ROBO2: variants seen among roughly 807,000 people sequenced by gnomAD.
ROBO2 encodes the protein roundabout guidance receptor 2.
A neutral mutation model predicts 160.8 loss-of-function variants in ROBO2; 53 were observed. The observed-to-expected ratio is 0.33, with a 90% CI of 0.26 to 0.41. The LOEUF (loss-of-function observed/expected upper bound fraction) is 0.41, where lower values mean the gene tolerates loss of function less well. Ranked by LOEUF, ROBO2 falls within the 10% of genes least tolerant of loss-of-function variation. ROBO2 has a pLI of 1.00. For synonymous variants in ROBO2, 664 were observed against 611.7 expected, an observed-to-expected ratio of 1.09 and a Z score of -1.26; for missense variants, 1,577 against 1,722.4, an observed-to-expected ratio of 0.92 and a Z score of 1.49.
At chr3:75,907,721 T>G (rs1306813032) in intron 1 of ROBO2, among the ~76,000 whole-genome samples, 1 of 152,222 alleles carries the variant, frequency 6.6e-6, no homozygotes, top group Non-Finnish European at 1.5e-5. Context: ...GAAAGGCAAC[T>G]TTATTTTCTT....
intron 2 of ROBO2, among the ~76,000 whole-genome samples, chr3:76,204,362 G>A (rs959985403): frequency 4.6e-5 from 7 of 152,132 alleles, no homozygotes; most frequent in Non-Finnish European, 1.0e-4. Context: ...TCTGCAAAAT[G>A]TGATGTGTAC....
intron 2 of ROBO2, among the ~76,000 whole-genome samples, chr3:76,647,124 C>T (rs1167769421): frequency 2.0e-5 from 3 of 152,118 alleles, no homozygotes; most frequent in African/African-American, 7.2e-5. Context: ...TCTGGTGTTT[C>T]TTAGGTCAGA....
At chr3:76,132,463 C>G (rs2071267268) in intron 2 of ROBO2, among the ~76,000 whole-genome samples, 1 of 146,788 alleles carries the variant, frequency 6.8e-6, no homozygotes, top group South Asian at 2.2e-4. Flanking sequence ...CACAGTAAAT[C>G]ACATTCATCA....
At chr3:77,386,413 G>A (rs1055691770) in intron 2 of ROBO2, among the ~76,000 whole-genome samples, 1 of 151,926 alleles carries the variant, frequency 6.6e-6, no homozygotes, top group African/African-American at 2.4e-5. Context: ...TAGCACGTTA[G>A]GTATAGAATG....
intron 2 of ROBO2, among the ~76,000 whole-genome samples, chr3:76,479,301 T>C (rs182665315): frequency 6.6e-6 from 1 of 152,266 alleles, no homozygotes; most frequent in African/African-American, 2.4e-5. Context: ...TAACAGTTCA[T>C]TTTTACTAGT....
intron 2 of ROBO2, among the ~76,000 whole-genome samples, chr3:76,098,365 T>C (rs1272310477): frequency 6.6e-6 from 1 of 152,190 alleles, no homozygotes; most frequent in Non-Finnish European, 1.5e-5. Flanking sequence ...TCTGTAACTA[T>C]GTTTTTAGAT....
intron 2 of ROBO2, among the ~76,000 whole-genome samples, chr3:76,673,192 A>G (rs980681609): frequency 6.6e-6 from 1 of 152,194 alleles, no homozygotes; most frequent in Non-Finnish European, 1.5e-5. Flanking sequence ...GTAACCCTAT[A>G]CAAGATGATT....
At chr3:77,021,139 T>A (rs2062606981) in intron 2 of ROBO2, among the ~76,000 whole-genome samples, 1 of 151,972 alleles carries the variant, frequency 6.6e-6, no homozygotes, top group African/African-American at 2.4e-5. Context: ...AGGTCGAGGT[T>A]GCAGTGAGCT....
intron 2 of ROBO2, among the ~76,000 whole-genome samples, chr3:76,069,731 A>C (rs2068382153): frequency 6.6e-6 from 1 of 152,192 alleles, no homozygotes; most frequent in Non-Finnish European, 1.5e-5. Flanking sequence ...AACAAAGAAC[A>C]CGTTCAGACA....
intron 2 of ROBO2, among the ~76,000 whole-genome samples, chr3:76,280,748 C>T (rs1708186373): frequency 6.6e-6 from 1 of 151,882 alleles, no homozygotes; most frequent in South Asian, 2.1e-4. Context: ...CATCTTTCAC[C>T]TGAAACAGTG....
At chr3:77,271,341 T>A (rs1476052835) in intron 2 of ROBO2, among the ~76,000 whole-genome samples, 1 of 152,218 alleles carries the variant, frequency 6.6e-6, no homozygotes, top group Non-Finnish European at 1.5e-5. Flanking sequence ...GGAAAGGGAC[T>A]AGTGAAATTA....
At chr3:76,139,906 C>A (rs997735752) in intron 2 of ROBO2, among the ~76,000 whole-genome samples, 1 of 151,958 alleles carries the variant, frequency 6.6e-6, no homozygotes, top group Admixed American at 6.6e-5. Flanking sequence ...TCAAAGTCTT[C>A]GGAGCTTATC....
intron 2 of ROBO2, among the ~76,000 whole-genome samples, chr3:77,271,158 T>C (rs1424892826): frequency 1.3e-5 from 2 of 152,164 alleles, no homozygotes; most frequent in Non-Finnish European, 2.9e-5. Context: ...TCAACAAATA[T>C]TTATTGAACA....
intron 2 of ROBO2, among the ~76,000 whole-genome samples, chr3:76,254,242 T>A (rs1051992343): frequency 3.3e-5 from 5 of 152,104 alleles, no homozygotes; most frequent in African/African-American, 1.2e-4. Context: ...AGTCAGCATA[T>A]ATTTTCTATT....
At chr3:76,269,910 ACT>A (rs1707330070) in intron 2 of ROBO2, among the ~76,000 whole-genome samples, 1 of 151,966 alleles carries the variant, frequency 6.6e-6, no homozygotes, top group Non-Finnish European at 1.5e-5. Flanking sequence ...TTCTATTTAC[ACT>A]GAGATTAAAA....
At chr3:76,998,488 A>G (rs1246746690) in intron 2 of ROBO2, among the ~76,000 whole-genome samples, 1 of 152,162 alleles carries the variant, frequency 6.6e-6, no homozygotes, top group Non-Finnish European at 1.5e-5. Flanking sequence ...ACTTCCACAT[A>G]CATTTAATCC....
At chr3:76,880,430 A>C (rs2073216914) in intron 2 of ROBO2, among the ~76,000 whole-genome samples, 2 of 152,182 alleles carry the variant, frequency 1.3e-5, no homozygotes, top group Non-Finnish European at 2.9e-5. Context: ...GTGTGTAGGC[A>C]AAAGTATTTA....
chr3:77,455,092 C>T (rs1054613476), intron 2 of ROBO2, among the ~76,000 whole-genome samples: 4 of 152,052 alleles, frequency 2.6e-5, no homozygotes, highest in African/African-American at 9.7e-5. Flanking sequence ...TATGGGAGAA[C>T]AAATAGAACA....
intron 2 of ROBO2, among the ~76,000 whole-genome samples, chr3:76,593,241 C>T (rs2086529652): frequency 1.3e-5 from 2 of 151,990 alleles, no homozygotes; most frequent in South Asian, 4.1e-4. Flanking sequence ...GTGTGTGTGA[C>T]ATTAAGAATG....
Sources: allele counts gnomAD v4.1 joint callset (sites outside exome capture counted in the v4.1 genomes callset), GRCh38; gene constraint gnomAD v4.1.1; transcripts MANE v1.5; gene names NCBI Gene and HGNC (gene_info 2026-07-23, HGNC 2026-07-21).